SHQ1: variants seen among roughly 807,000 people sequenced by gnomAD.
SHQ1 encodes protein SHQ1 homolog.
A neutral mutation model predicts 53.8 loss-of-function variants in SHQ1; 49 were observed. The ratio of observed to expected loss-of-function variants is 0.91; its 90% CI spans 0.72 to 1.16. The LOEUF (loss-of-function observed/expected upper bound fraction) is 1.16, where lower values mean the gene tolerates loss of function less well. Among genes scored for constraint, SHQ1 ranks in the 50% most tolerant of loss-of-function variants. SHQ1 has a pLI of 0.00. For synonymous variants in SHQ1, 243 were observed against 251.0 expected (o/e 0.97, Z 0.30); for missense variants, 738 against 683.1 (o/e 1.08, Z -0.90).
chr3:72,847,892 G>C (rs1002345486), intron 1 of SHQ1, among the ~76,000 whole-genome samples: 1 of 152,148 alleles, frequency 6.6e-6, no homozygotes, highest in Admixed American at 6.5e-5. Context: ...GAACAAGTCA[G>C]AACGGGACGA....
chr3:72,753,486 C>G lies in SHQ1; in HGVS notation c.1182-2650G>C, dbSNP rs994547755. On this transcript the variant is annotated intron_variant, in intron 10 of 10. Coordinates refer to ENST00000325599, the MANE Select transcript of SHQ1 (RefSeq NM_018130.3). ...GGGATTGCCCCCCACCCCCCACAAC[C>G]CCTGCTGCCTCTTCACATGTGTAAT... 15 of 983,702 alleles carry G rather than the reference C, an allele frequency of 1.5e-5. No homozygotes were observed. The Admixed American group carries it at 1.9e-4, about 12-fold the overall frequency. 60.9% of individuals were successfully genotyped at this position (983,702 alleles called of 1,614,324 possible).
In SHQ1 at chr3:72,765,555, A is replaced by AT. The variant is rs1171352955; in HGVS notation, c.1182-14720dup. Among the ~76,000 whole-genome samples, 404 of 71,692 alleles carry AT rather than the reference A, an allele frequency of 5.6e-3. 2 individuals carry two copies. Among genetic ancestry groups the AT allele is most frequent in the Non-Finnish European group, 8.0e-3 (302 of 37,548 alleles). The allele number at this position is 71,692 out of a possible 152,430, so 47.0% of individuals were successfully genotyped here. On this transcript the variant is annotated intron_variant, in intron 10 of 10. Transcript: ENST00000325599. ...CATATATATATATATATATATATAT[A>AT]TATTTTTTTTTTTTTTTTGAGACAG...
chr3:72,844,695 C>T (rs527776961), intron 1 of SHQ1, among the ~76,000 whole-genome samples: 5 of 152,280 alleles, frequency 3.3e-5, no homozygotes, highest in Admixed American at 3.3e-4. Flanking sequence ...GTAGTTATCA[C>T]TATTGTTATA....
rs75148937 is a variant in SHQ1 at position 72,833,511 on chromosome 3, C to T, written c.487-1030G>A. ...ATAGATAGATAGATAGACAGACAGA[C>T]AGACAGATAGATGGATGATAGACAG... On this transcript the variant is annotated intron_variant, in intron 4 of 10. Coordinates refer to ENST00000325599, the MANE Select transcript of SHQ1 (RefSeq NM_018130.3). 2.5e-3 allele frequency among the ~76,000 whole-genome samples: 324 copies of T among 128,940 alleles called. 1 individual carries two copies. The highest frequency in any genetic ancestry group is 3.6e-3 in the South Asian group (14 of 3,870). 84.6% of individuals were successfully genotyped at this position (128,940 alleles called of 152,430 possible).
intron 5 of SHQ1, among the ~76,000 whole-genome samples, chr3:72,826,991 A>G (rs923725792): frequency 5.3e-5 from 8 of 152,254 alleles, no homozygotes; most frequent in Admixed American, 1.3e-4. Context: ...AACCTGGAGA[A>G]GCAGACATAA....
intron 4 of SHQ1, among the ~76,000 whole-genome samples, chr3:72,840,242 T>TAAAAA (rs71623990): frequency 2.1e-5 from 2 of 93,578 alleles, no homozygotes; most frequent in Non-Finnish European, 4.0e-5. Flanking sequence ...GACTCTGTCT[T>TAAAAA]AAAAAAAAAA....
chr3:72,760,757 C>T (rs1476971860), intron 10 of SHQ1, among the ~76,000 whole-genome samples: 2 of 152,172 alleles, frequency 1.3e-5, no homozygotes, highest in Non-Finnish European at 2.9e-5. Context: ...GTCAGCTTGA[C>T]TGTGATGTAC....
At chr3:72,725,835 GT>G in the SHQ1 span, among the ~76,000 whole-genome samples, 1 of 152,146 alleles carries the variant, frequency 6.6e-6, no homozygotes, top group African/African-American at 2.4e-5. Flanking sequence ...TGTCCTGGCT[GT>G]TAGACTCCCC....
At chr3:72,787,988 T>C (rs1706294533) in intron 10 of SHQ1, among the ~76,000 whole-genome samples, 1 of 152,200 alleles carries the variant, frequency 6.6e-6, no homozygotes, top group South Asian at 2.1e-4. Context: ...GGTGCCGGGA[T>C]TGCAGACGGA....
chr3:72,792,801 A>AC (rs1706480221), intron 10 of SHQ1, 115 bp downstream of exon 10: 3 of 744,594 alleles, frequency 4.0e-6, no homozygotes, highest in Middle Eastern at 4.3e-4. Flanking sequence ...AAAAAAAAAA[A>AC]AAAAAAAAAA....
chr3:72,753,388 T>C (rs1205694478), intron 10 of SHQ1: 1 of 985,310 alleles, frequency 1.0e-6, no homozygotes, highest in Non-Finnish European at 1.2e-6. Flanking sequence ...AAAGATGGTA[T>C]TTTAATCTGG....
chr3:72,743,240 C>T, the SHQ1 span, among the ~76,000 whole-genome samples: 1 of 152,300 alleles, frequency 6.6e-6, no homozygotes, highest in African/African-American at 2.4e-5. Flanking sequence ...TTCTGGCTTG[C>T]CTTGGATTTA....
intron 10 of SHQ1, among the ~76,000 whole-genome samples, chr3:72,765,553 A>ATTT (rs1301529961): frequency 9.4e-5 from 8 of 85,408 alleles, no homozygotes; most frequent in African/African-American, 4.9e-4. Context: ...ATATATATAT[A>ATTT]TATATTTTTT....
chr3:72,752,801 A>G (rs193278809), intron 10 of SHQ1, among the ~76,000 whole-genome samples: 1 of 152,240 alleles, frequency 6.6e-6, no homozygotes, highest in East Asian at 1.9e-4. Flanking sequence ...TGCTGGGATT[A>G]CAGGCATGAG....
chr3:72,750,096 G>A lies in SHQ1; in HGVS notation c.*188C>T. On this transcript the variant is annotated 3_prime_UTR_variant, in exon 11 of 11. Coordinates refer to ENST00000325599, the MANE Select transcript of SHQ1 (RefSeq NM_018130.3). The stretch of plus-strand genomic sequence containing the variant: ...CAAGAAAAAAGTCTGTACATGTTTG[G>A]TACAGATGCGATTTTTTCTTCAATA... The A allele has an allele frequency of 1.7e-6, 1 of 591,002 alleles. No individual in the cohort carries two copies. The highest frequency in any genetic ancestry group is 2.8e-5 in the East Asian group (1 of 35,496). 36.6% of individuals were successfully genotyped at this position (591,002 alleles called of 1,614,324 possible).
At chr3:72,733,663 G>A in the SHQ1 span, among the ~76,000 whole-genome samples, 1,411 of 151,582 alleles carry the variant, frequency 9.3e-3, 54 homozygotes, top group African/African-American at 0.031. Flanking sequence ...ATTGAAGCCC[G>A]GGAACATTTA....
intron 2 of SHQ1, 51 bp downstream of exon 2, chr3:72,844,308 T>G (rs369025334): frequency 6.9e-6 from 10 of 1,451,486 alleles, no homozygotes; most frequent in Middle Eastern, 1.8e-4. Context: ...ATTATGTAAA[T>G]AATGTGAAAA....
chr3:72,758,567 CTT>C (rs869225766), intron 10 of SHQ1, among the ~76,000 whole-genome samples: 13 of 126,116 alleles, frequency 1.0e-4, no homozygotes, highest in Admixed American at 2.4e-4. Context: ...ACTATTTTTT[CTT>C]TTTTTTTTTT....
At chr3:72,745,147 GT>G (rs77261439), downstream of SHQ1, among the ~76,000 whole-genome samples, 33,079 of 147,446 alleles carry the variant, frequency 0.22, 3,825 homozygotes, top group Non-Finnish European at 0.26. Flanking sequence ...CAGGAGTCTG[GT>G]TTTTTTTTTT....
Sources: allele counts gnomAD v4.1 joint callset (sites outside exome capture counted in the v4.1 genomes callset), GRCh38; gene constraint gnomAD v4.1.1; transcripts MANE v1.5; gene names NCBI Gene and HGNC (gene_info 2026-07-23, HGNC 2026-07-21).